Variants in ELP1 observed in about 807,000 individuals in gnomAD.
ELP1 encodes the protein elongator complex protein 1.
A neutral mutation model predicts 183.2 loss-of-function variants in ELP1; 131 were observed. The observed-to-expected ratio is 0.72, with a 90% CI of 0.62 to 0.83. ELP1 has a LOEUF of 0.83. Ranked by LOEUF, ELP1 falls within the 40% of genes least tolerant of loss-of-function variation. ELP1 has a pLI of 0.00. For synonymous variants in ELP1, 555 were observed against 569.0 expected (o/e 0.98, Z 0.35); for missense variants, 1,550 against 1,594.9 (o/e 0.97, Z 0.48).
intron 36 of ELP1, among the ~76,000 whole-genome samples, chr9:108,869,920 TG>T (rs1397889118): frequency 6.6e-6 from 1 of 152,176 alleles, no homozygotes; most frequent in East Asian, 1.9e-4. Context: ...AGTTGATCCT[TG>T]AATGTAGGGT....
At chr9:108,879,764 G>A (rs1587872830) in intron 32 of ELP1, among the ~76,000 whole-genome samples, 1 of 152,232 alleles carries the variant, frequency 6.6e-6, no homozygotes, top group Non-Finnish European at 1.5e-5. Context: ...ACTTTTTTCT[G>A]GAAATGAGGA....
Position 108,878,704 on chromosome 9 carries a change from G to A in ELP1, c.3619C>T (p.Leu1207Phe). 1.9e-6 allele frequency: 3 copies of A among 1,614,144 alleles called. No homozygotes were observed. Among genetic ancestry groups the A allele is most frequent in the Non-Finnish European group, 2.5e-6 (3 of 1,180,030 alleles). Residue 1207 changes from leucine to phenylalanine, a missense_variant, in exon 34 of 37, where the codon CTC becomes TTC. By Grantham distance (22) the Leu-to-Phe change is conservative (BLOSUM62 0). Transcript: ENST00000374647. The stretch of plus-strand genomic sequence containing the variant: ...TCCTCCAGCGGACTGCCTTCTTTGA[G>A]GCTGTGCTTCTTCCGCTCCGCTTTT... ...RRKAERKKHSLKEGSPLEDLA... is the reference protein window; with the variant it reads ...RRKAERKKHSFKEGSPLEDLA...
At chr9:108,906,199 C>T (rs1005991658) in intron 14 of ELP1, 104 bp downstream of exon 14, 54 of 1,082,152 alleles carry the variant, frequency 5.0e-5, no homozygotes, top group Non-Finnish European at 5.4e-5. Context: ...AAAGCTACTG[C>T]TCCTCAACCT....
chr9:108,917,543 T>G lies in ELP1; in HGVS notation c.864+4A>C. On this transcript the variant is annotated splice_donor_region_variant and intron_variant, in intron 9 of 36. Coordinates refer to ENST00000374647, the MANE Select transcript of ELP1 (RefSeq NM_003640.5). ...TCGAGGGTGAAACAAACTCAGGCAC[T>G]TACCTTAACCTCATCTTTAAGGAAG... The G allele has an allele frequency of 6.2e-7, 1 of 1,613,830 alleles. No homozygotes were observed. The highest frequency in any genetic ancestry group is 8.5e-7 in the Non-Finnish European group (1 of 1,179,862).
chr9:108,869,404 T>C (rs1415414016), intron 36 of ELP1, among the ~76,000 whole-genome samples: 5 of 152,154 alleles, frequency 3.3e-5, no homozygotes, highest in African/African-American at 9.7e-5. Context: ...ACCTCAGGCA[T>C]GCTCACCCAG....
chr9:108,894,167 T>C (rs1276655536), intron 25 of ELP1, 101 bp from the exon 26 acceptor site: 1 of 670,638 alleles, frequency 1.5e-6, no homozygotes, highest in African/African-American at 1.8e-5. Flanking sequence ...CTACATAATT[T>C]TTAAATGTGT....
In ELP1 at chr9:108,913,048, C is replaced by CCA. The variant is rs1829291518; in HGVS notation, c.959-555_959-554insTG. Among the ~76,000 whole-genome samples, 14 of 152,210 alleles carry CCA rather than the reference C, an allele frequency of 9.2e-5. No individual in the cohort carries two copies. In the South Asian group the frequency reaches 1.5e-3, roughly 16 times the overall value. ...GTGCTGAGATTACAGGCCTGAGCCA[C>CCA]CGTGCCTGGCCCACATGTTTATTTT... On this transcript the variant is annotated intron_variant, in intron 10 of 36. Coordinates refer to ENST00000374647, the MANE Select transcript of ELP1 (RefSeq NM_003640.5).
At chr9:108,913,972 G>C (rs772643055) in intron 10 of ELP1, among the ~76,000 whole-genome samples, 45 of 152,092 alleles carry the variant, frequency 3.0e-4, no homozygotes, top group Non-Finnish European at 1.0e-4. Flanking sequence ...AAATACTTAC[G>C]TATAATCTCC....
At chr9:108,883,085 T>C (rs1330682504) in intron 29 of ELP1, among the ~76,000 whole-genome samples, 1 of 152,230 alleles carries the variant, frequency 6.6e-6, no homozygotes, top group East Asian at 1.9e-4. Context: ...ATTGATTGTG[T>C]TTTTGGTATT....
rs767619903 is a variant in ELP1, at chr9:108,891,328, C to T, written c.3035G>A (p.Cys1012Tyr). 4 of 1,614,168 alleles carry T rather than the reference C, an allele frequency of 2.5e-6. No homozygotes were observed. The Admixed American group carries it at 6.7e-5, about 27-fold the overall frequency. The change falls in exon 28 of 37, where the codon TGC becomes TAC. Residue 1012 changes from cysteine (C) to tyrosine (Y), a missense_variant. Coordinates refer to ENST00000374647, the MANE Select transcript of ELP1 (RefSeq NM_003640.5). ...YEPAGLMFARCGAHEKALSAF... is the reference protein window; with the variant it reads ...YEPAGLMFARYGAHEKALSAF... ...TGAGAGAGCTTTCTCGTGGGCACCG[C>T]AACGGGCAAACATGAGCCCCGCTGG...
At position 108,901,446 on chromosome 9, in the gene ELP1, G is replaced by A. The variant is rs769447011; in HGVS notation, c.1993C>T (p.Leu665=). Residue 665 remains leucine, a synonymous_variant, in exon 18 of 37, where the codon CTG becomes TTG. Coordinates refer to ENST00000374647, the MANE Select transcript of ELP1 (RefSeq NM_003640.5). ...TTACTTTTAAATGAAGCATCCCTCA[G>A]GCAAAAACACTGGCAGGTATGGGAA... ...THSHTCQCFC[L]RDASFKTLQA... 1 of 1,612,994 alleles carries A rather than the reference G, an allele frequency of 6.2e-7. No individual in the cohort carries two copies. The highest frequency in any genetic ancestry group is 1.1e-5 in the South Asian group (1 of 91,066).
At chr9:108,873,718 C>T (rs1404997039) in intron 36 of ELP1, among the ~76,000 whole-genome samples, 1 of 152,102 alleles carries the variant, frequency 6.6e-6, no homozygotes, top group Non-Finnish European at 1.5e-5. Context: ...ATGTAAGTTC[C>T]TAGCATCTGG....
At chr9:108,918,214 T>C (rs1829518101) in intron 8 of ELP1, among the ~76,000 whole-genome samples, 1 of 152,212 alleles carries the variant, frequency 6.6e-6, no homozygotes. Context: ...GAGGTCTACA[T>C]ACAACAGATA....
At chr9:108,891,426 G>A (rs750978106) in intron 27 of ELP1, 22 bp from the exon 28 acceptor site, 1 of 1,601,852 alleles carries the variant, frequency 6.2e-7, no homozygotes, top group Non-Finnish European at 8.5e-7. Flanking sequence ...GGAGATTTAG[G>A]ACTGAGGAGG....
intron 35 of ELP1, among the ~76,000 whole-genome samples, chr9:108,877,231 C>A (rs1017495748): frequency 4.6e-5 from 7 of 152,198 alleles, no homozygotes; most frequent in African/African-American, 1.7e-4. Context: ...CTCCTGTTCC[C>A]TCAGCTAGAG....
intron 13 of ELP1, among the ~76,000 whole-genome samples, chr9:108,907,963 A>T (rs10521091): frequency 0.032 from 4,873 of 152,280 alleles, 271 homozygotes; most frequent in African/African-American, 0.11. Flanking sequence ...CATCCATGTT[A>T]ACAACCCATA....
intron 9 of ELP1, 117 bp downstream of exon 9, chr9:108,917,430 G>A (rs933880716): frequency 1.6e-5 from 16 of 1,013,420 alleles, no homozygotes; most frequent in Admixed American, 6.2e-5. Flanking sequence ...TTGCACTATC[G>A]CACTCCAACC....
intron 29 of ELP1, among the ~76,000 whole-genome samples, chr9:108,884,467 C>T (rs891248123): frequency 2.6e-5 from 4 of 152,104 alleles, no homozygotes; most frequent in Non-Finnish European, 4.4e-5. Flanking sequence ...CAAATACACA[C>T]ACAACATTCT....
intron 5 of ELP1, among the ~76,000 whole-genome samples, chr9:108,926,293 GT>G (rs1829821994): frequency 6.6e-6 from 1 of 152,130 alleles, no homozygotes; most frequent in African/African-American, 2.4e-5. Flanking sequence ...CTTTCCTAGG[GT>G]TTGGGTAATA....
Sources: allele counts gnomAD v4.1 joint callset (sites outside exome capture counted in the v4.1 genomes callset), GRCh38; gene constraint gnomAD v4.1.1; transcripts MANE v1.5; gene names NCBI Gene and HGNC (gene_info 2026-07-23, HGNC 2026-07-21).